The following SNTG1 variants were observed in gnomAD, a reference collection of about 807,000 sequenced individuals.
SNTG1 encodes the protein syntrophin gamma 1, also known as gamma-1-syntrophin.
SNTG1 carries 39 observed loss-of-function variants against 74.7 expected under a neutral mutation model. That is an observed-to-expected ratio of 0.52 (90% CI 0.40 to 0.68). The LOEUF (loss-of-function observed/expected upper bound fraction) is 0.68, where lower values mean the gene tolerates loss of function less well. SNTG1 is among the 30% of genes least tolerant of loss of function. The probability of loss-of-function intolerance (pLI) is 0.00; values close to 1 mark genes in which losing one functional copy is unlikely to be tolerated. For synonymous variants in SNTG1, 254 were observed against 217.1 expected (o/e 1.17, Z -1.49); for missense variants, 685 against 609.5 (o/e 1.12, Z -1.30).
chr8:50,562,291 A>G (rs1205208291), intron 12 of SNTG1, among the ~76,000 whole-genome samples: 1 of 152,242 alleles, frequency 6.6e-6, no homozygotes, highest in Non-Finnish European at 1.5e-5. Flanking sequence ...AACATTGCTA[A>G]TCAGCTGGCC....
At chr8:49,961,052 A>C (rs905511655) in intron 1 of SNTG1, among the ~76,000 whole-genome samples, 1 of 152,178 alleles carries the variant, frequency 6.6e-6, no homozygotes, top group Non-Finnish European at 1.5e-5. Flanking sequence ...AGAATCCTAG[A>C]TGCTGGCTTG....
chr8:50,193,551 C>G (rs2083655591), intron 2 of SNTG1, among the ~76,000 whole-genome samples: 1 of 152,064 alleles, frequency 6.6e-6, no homozygotes, highest in Non-Finnish European at 1.5e-5. Flanking sequence ...ATCCTTTTAT[C>G]AATTCTAGGA....
chr8:50,247,773 C>T (rs1306525736), intron 2 of SNTG1, among the ~76,000 whole-genome samples: 2 of 152,036 alleles, frequency 1.3e-5, no homozygotes, highest in African/African-American at 4.8e-5. Flanking sequence ...ATCCTCCCAC[C>T]TCAGCTTCCC....
intron 1 of SNTG1, among the ~76,000 whole-genome samples, chr8:50,131,467 C>T (rs1586406475): frequency 6.6e-6 from 1 of 152,098 alleles, no homozygotes; most frequent in East Asian, 1.9e-4. Context: ...GAATGTCCTT[C>T]AGGTTCATGG....
intron 1 of SNTG1, among the ~76,000 whole-genome samples, chr8:50,153,417 C>G (rs1358623482): frequency 6.6e-6 from 1 of 152,248 alleles, no homozygotes. Context: ...GCATCATTCT[C>G]TCTCCAGTTT....
intron 15 of SNTG1, among the ~76,000 whole-genome samples, chr8:50,688,599 C>G (rs1010891343): frequency 1.1e-4 from 16 of 152,130 alleles, no homozygotes; most frequent in African/African-American, 3.6e-4. Context: ...GGGCTCTGTT[C>G]TGTTCCATTG....
chr8:50,045,017 A>T (rs1029194076), intron 1 of SNTG1, among the ~76,000 whole-genome samples: 14 of 152,220 alleles, frequency 9.2e-5, no homozygotes, highest in Non-Finnish European at 8.8e-5. Flanking sequence ...AGACTGAGAG[A>T]GCAAGTCTAC....
intron 1 of SNTG1, among the ~76,000 whole-genome samples, chr8:49,987,785 A>T (rs1369637835): frequency 6.6e-6 from 1 of 151,064 alleles, no homozygotes; most frequent in East Asian, 2.0e-4. Flanking sequence ...GGTAGCTGGG[A>T]CTACAGGCGC....
chr8:50,717,453 T>C (rs1373070767), intron 17 of SNTG1, among the ~76,000 whole-genome samples: 3 of 152,246 alleles, frequency 2.0e-5, no homozygotes, highest in Non-Finnish European at 2.9e-5. Context: ...TACAGCGTTA[T>C]TCTAAAATTA....
chr8:50,169,457 A>G (rs943384620), intron 1 of SNTG1, among the ~76,000 whole-genome samples: 74 of 152,318 alleles, frequency 4.9e-4, no homozygotes, highest in Admixed American at 1.4e-3. Flanking sequence ...TATCTTGGAC[A>G]TCACATAGAG....
At chr8:50,216,570 C>T (rs574533592) in intron 2 of SNTG1, among the ~76,000 whole-genome samples, 1 of 152,106 alleles carries the variant, frequency 6.6e-6, no homozygotes, top group African/African-American at 2.4e-5. Context: ...ATTACTTAGA[C>T]AAATTTGCTT....
intron 2 of SNTG1, among the ~76,000 whole-genome samples, chr8:50,390,962 G>A (rs951552393): frequency 6.7e-6 from 1 of 149,948 alleles, no homozygotes; most frequent in Non-Finnish European, 1.5e-5. Context: ...AGCTTCAGGA[G>A]ATTTTGGGCC....
Position 50,547,234 on chromosome 8 carries a change from G to T in SNTG1, c.681-5816G>T, listed in dbSNP as rs562441050. Among the ~76,000 whole-genome samples, 19 of 152,308 alleles carry T rather than the reference G, an allele frequency of 1.2e-4. No homozygotes were observed. The South Asian group carries it at 3.7e-3, about 30-fold the overall frequency. ...TGAATTGATTGCATTCCACTTCACA[G>T]ATTGGTCAGGAGGTCCACAAGGACT... On this transcript the variant is annotated intron_variant, in intron 11 of 18. Coordinates refer to ENST00000642720, the MANE Select transcript of SNTG1 (RefSeq NM_018967.5).
rs561762570 is a variant in SNTG1 at position 50,549,859 on chromosome 8, TC to T, written c.681-3190del. 3.9e-3 allele frequency among the ~76,000 whole-genome samples: 590 copies of T among 152,304 alleles called. 6 individuals are homozygous for T. Among genetic ancestry groups the T allele is most frequent in the African/African-American group, 0.013 (531 of 41,570 alleles). On this transcript the variant is annotated intron_variant, in intron 11 of 18. Transcript: ENST00000642720. ...CCCAATAGGGTGGAGTAGCTTTGAT[TC>T]TACTCACTTCTTCTTAATTCATTTT...
chr8:50,769,954 A>C (rs1295296529), intron 18 of SNTG1, among the ~76,000 whole-genome samples: 1 of 152,118 alleles, frequency 6.6e-6, no homozygotes, highest in Non-Finnish European at 1.5e-5. Context: ...TTTATTTGCC[A>C]AACTCAGTAA....
chr8:50,151,203 G>T (rs1360908327), intron 1 of SNTG1, among the ~76,000 whole-genome samples: 1 of 152,118 alleles, frequency 6.6e-6, no homozygotes, highest in African/African-American at 2.4e-5. Context: ...TTGTGTAGAG[G>T]TGTTTATAGT....
At position 50,004,875 on chromosome 8, in the gene SNTG1, C is replaced by A. The variant is rs945429570; in HGVS notation, c.-103+92644C>A. 1.9e-4 allele frequency among the ~76,000 whole-genome samples: 29 copies of A among 152,304 alleles called. 1 individual carries two copies. Among genetic ancestry groups the A allele is most frequent in the Admixed American group, 1.4e-3 (21 of 15,282 alleles). ...CGACACACAAACCAAACCAAAAGCACACAAACCAAAGCAGAGAAAATGAAC... is the reference window on the plus strand; with the variant it reads ...CGACACACAAACCAAACCAAAAGCAAACAAACCAAAGCAGAGAAAATGAAC... On this transcript the variant is annotated intron_variant, in intron 1 of 18. Transcript: ENST00000642720.
intron 4 of SNTG1, among the ~76,000 whole-genome samples, chr8:50,407,439 A>C (rs139488262): frequency 6.6e-6 from 1 of 152,324 alleles, no homozygotes; most frequent in African/African-American, 2.4e-5. Flanking sequence ...CAGTTTACTC[A>C]TGAGGGAGAA....
chr8:50,166,935 T>C lies in SNTG1; in HGVS notation c.-102-5626T>C, dbSNP rs1413421743. Among the ~76,000 whole-genome samples the C allele has an allele frequency of 2.0e-5, 3 of 149,474 alleles. No individual in the cohort carries two copies. The East Asian group carries it at 5.8e-4, about 29-fold the overall frequency. On this transcript the variant is annotated intron_variant, in intron 1 of 18. Coordinates refer to ENST00000642720, the MANE Select transcript of SNTG1 (RefSeq NM_018967.5). Reference sequence around the variant, plus strand: ...GGCAAATATACACCATGGAATACTATGCAGCCATAAAAAATGATGAGTTCA... The same window carrying C: ...GGCAAATATACACCATGGAATACTACGCAGCCATAAAAAATGATGAGTTCA...
Sources: allele counts gnomAD v4.1 joint callset (sites outside exome capture counted in the v4.1 genomes callset), GRCh38; gene constraint gnomAD v4.1.1; transcripts MANE v1.5; gene names NCBI Gene and HGNC (gene_info 2026-07-23, HGNC 2026-07-21).